The following DST variants were observed in gnomAD, a reference collection of about 807,000 sequenced individuals.
The protein encoded by DST is dystonin, also known as bullous pemphigoid antigen.
A neutral mutation model predicts 875.2 loss-of-function variants in DST; 253 were observed. The ratio of observed to expected loss-of-function variants is 0.29; its 90% CI spans 0.26 to 0.32. The LOEUF is 0.32. DST is among the 10% of genes least tolerant of loss of function. The probability of loss-of-function intolerance (pLI) is 1.00; values close to 1 mark genes in which losing one functional copy is unlikely to be tolerated. For synonymous variants in DST, 3,124 were observed against 3,197.1 expected (o/e 0.98, Z 0.77); for missense variants, 8,287 against 9,111.6 (o/e 0.91, Z 3.68).
Position 56,552,817 on chromosome 6 carries a change from C to T in DST, c.15975G>A (p.Leu5325=). ...LQTQQKSLQA[L]KHQVDLAKRL... ...TTTTAGCCAAATCTACCTGATGCTT[C>T]AAGGCCTGAAGTGATTTCTGCTGAG... Residue 5325 remains leucine (L), a synonymous_variant, in exon 61 of 104, where the codon TTG becomes TTA. Coordinates refer to ENST00000680361, the MANE Select transcript of DST (RefSeq NM_001374736.1). 6.2e-7 allele frequency: 1 copy of T among 1,612,256 alleles called. No individual in the cohort carries two copies. The highest frequency in any genetic ancestry group is 1.1e-5 in the South Asian group (1 of 91,082).
chr6:56,847,154 TA>T (rs988494521), intron 4 of DST, among the ~76,000 whole-genome samples: 1 of 151,240 alleles, frequency 6.6e-6, no homozygotes, highest in Non-Finnish European at 1.5e-5. Context: ...CCCATCTCTA[TA>T]AAAAAAAATT....
At chr6:56,654,239 C>T (rs1256344177) in intron 10 of DST, among the ~76,000 whole-genome samples, 1 of 151,996 alleles carries the variant, frequency 6.6e-6, no homozygotes, top group Non-Finnish European at 1.5e-5. Context: ...GTTAATGTTT[C>T]AAAATGACCC....
chr6:56,870,047 T>C (rs1353456277), intron 3 of DST, among the ~76,000 whole-genome samples: 2 of 152,042 alleles, frequency 1.3e-5, no homozygotes, highest in East Asian at 1.9e-4. Flanking sequence ...TAGAGAAATG[T>C]ACTTTCAAGC....
At chr6:56,871,612 G>T (rs758690102) in intron 3 of DST, 2 of 769,342 alleles carry the variant, frequency 2.6e-6, no homozygotes, top group Non-Finnish European at 4.7e-6. Context: ...CCATACATGA[G>T]CTCTCTCTGC....
intron 36 of DST, chr6:56,620,445 G>C: frequency 6.2e-7 from 1 of 1,614,114 alleles, no homozygotes; most frequent in Non-Finnish European, 8.5e-7. Context: ...AGTTCCCTGC[G>C]GTACTGCTTG....
At chr6:56,740,681 G>A (rs184623291) in intron 4 of DST, among the ~76,000 whole-genome samples, 38 of 152,236 alleles carry the variant, frequency 2.5e-4, no homozygotes, top group African/African-American at 9.1e-4. Flanking sequence ...CAGGGAGCTG[G>A]GGAATCTGGC....
intron 10 of DST, among the ~76,000 whole-genome samples, chr6:56,654,926 C>T (rs767153343): frequency 4.0e-5 from 6 of 151,842 alleles, no homozygotes; most frequent in East Asian, 1.9e-4. Flanking sequence ...TTTTGGAGGC[C>T]GAGATGGGAG....
At position 56,714,201 on chromosome 6, in the gene DST, T is replaced by C. The variant is rs749341015; in HGVS notation, c.688-9832A>G. 8.5e-5 allele frequency among the ~76,000 whole-genome samples: 13 copies of C among 152,216 alleles called. No individual in the cohort carries two copies. The highest frequency in any genetic ancestry group is 1.5e-4 in the Non-Finnish European group (10 of 68,038). On this transcript the variant is annotated intron_variant, in intron 5 of 103. Transcript: ENST00000680361. The surrounding 1 kb of genome is among the most constrained non-coding windows in gnomAD (Gnocchi z 4.5). ...CCACCCAAAATCATATCTGGGGAAC[T>C]GATATGTTTGGAATGGAATTATAAA... is the stretch of plus-strand genomic sequence containing the variant.
chr6:56,833,525 A>C (rs776578679), intron 4 of DST, among the ~76,000 whole-genome samples: 10 of 152,074 alleles, frequency 6.6e-5, no homozygotes, highest in Non-Finnish European at 1.2e-4. Flanking sequence ...TGTATGCTTA[A>C]AATAGAACAG....
intron 75 of DST, among the ~76,000 whole-genome samples, chr6:56,508,301 T>C (rs2096389217): frequency 6.6e-6 from 1 of 152,182 alleles, no homozygotes; most frequent in African/African-American, 2.4e-5. Context: ...CCCAAAGTTC[T>C]GGGAATACAG....
At chr6:56,483,557 T>TTTC (rs2095470456) in intron 88 of DST, 1 of 116,186 alleles carries the variant, frequency 8.6e-6, no homozygotes, top group Non-Finnish European at 1.8e-5. Flanking sequence ...TTTTTTTTTT[T>TTTC]CCTGCCTAAT....
At chr6:56,473,788 T>C in intron 93 of DST, 85 bp downstream of exon 93, 1 of 1,359,128 alleles carries the variant, frequency 7.4e-7, no homozygotes, top group Non-Finnish European at 1.0e-6. Context: ...AATCACCAAT[T>C]GCCCCCAAAT....
Position 56,606,788 on chromosome 6 carries a change from C to A in DST, c.7840G>T (p.Asp2614Tyr), listed in dbSNP as rs748181953. 6.2e-7 allele frequency: 1 copy of A among 1,613,150 alleles called. No individual in the cohort carries two copies. The change falls in exon 40 of 104, where the codon GAT (aspartate) becomes TAT (tyrosine). Residue 2614 changes from aspartate (D) to tyrosine (Y), a missense_variant. Coordinates refer to ENST00000680361, the MANE Select transcript of DST (RefSeq NM_001374736.1). Reference sequence around the variant, plus strand: ...TCATCATCTTCAAACAAGGGAGTATCATAAAAATCATCATCACTATCAGTG... The same window carrying A: ...TCATCATCTTCAAACAAGGGAGTATAATAAAAATCATCATCACTATCAGTG... ...TDTDSDDDFYDTPLFEDDDHD... is the reference protein window; with the variant it reads ...TDTDSDDDFYYTPLFEDDDHD...
At chr6:56,514,827 AT>A (rs1279397242) in intron 72 of DST, among the ~76,000 whole-genome samples, 3 of 152,186 alleles carry the variant, frequency 2.0e-5, no homozygotes, top group African/African-American at 7.2e-5. Flanking sequence ...TTTATGTGCC[AT>A]TTCATACATG....
chr6:56,732,143 C>T (rs2099501506), intron 5 of DST, among the ~76,000 whole-genome samples: 1 of 152,112 alleles, frequency 6.6e-6, no homozygotes, highest in South Asian at 2.1e-4. Context: ...CACTAATCAG[C>T]CAGATGAAAG....
At chr6:56,688,850 A>G (rs548092365) in intron 9 of DST, among the ~76,000 whole-genome samples, 1 of 152,212 alleles carries the variant, frequency 6.6e-6, no homozygotes, top group Non-Finnish European at 1.5e-5. Flanking sequence ...AATACATAAT[A>G]AATGTTTCAT....
chr6:56,896,612 G>T (rs112154443), intron 3 of DST, among the ~76,000 whole-genome samples: 1 of 152,086 alleles, frequency 6.6e-6, no homozygotes, highest in Non-Finnish European at 1.5e-5. Context: ...CCACATCCAC[G>T]CCAACATCAA....
rs1257849550 is a variant in DST at position 56,616,723 on chromosome 6, C to T, written c.4930-2239G>A. ...GGTCAATGACACCCCCACTGGCAAT[C>T]TGGGCTTCCAAGATATGTTTACCTT... On this transcript the variant is annotated intron_variant, in intron 36 of 103. Coordinates refer to ENST00000680361, the MANE Select transcript of DST (RefSeq NM_001374736.1). 5 of 1,614,088 alleles carry T rather than the reference C, an allele frequency of 3.1e-6. No individual in the cohort carries two copies. Among genetic ancestry groups the T allele is most frequent in the African/African-American group, 1.3e-5 (1 of 74,938 alleles).
chr6:56,703,683 C>T lies in DST; in HGVS notation c.841G>A (p.Glu281Lys). 3.0e-6 allele frequency: 3 copies of T among 985,228 alleles called. No homozygotes were observed. Among genetic ancestry groups the T allele is most frequent in the Non-Finnish European group, 3.6e-6 (3 of 829,846 alleles). 61.0% of individuals were successfully genotyped at this position (985,228 alleles called of 1,614,324 possible). A position where few individuals can be genotyped will look rare whatever the true frequency, so the allele number is the denominator to read the frequency against. Residue 281 changes from glutamate to lysine, a missense_variant, in exon 7 of 104, where the codon GAA becomes AAA. Physicochemically the swap from Glu to Lys is moderately conservative, Grantham distance 56. Coordinates refer to ENST00000680361, the MANE Select transcript of DST (RefSeq NM_001374736.1). ...LVSATEACEY[E>K]QHEDVEDEDK... ...TCATCCTCCACATCCTCATGCTGTT[C>T]ATATTCGCATGCTTCTGTTGCACTC...
Sources: allele counts gnomAD v4.1 joint callset (sites outside exome capture counted in the v4.1 genomes callset), GRCh38; gene constraint gnomAD v4.1.1; non-coding constraint Gnocchi (gnomAD v3.1); transcripts MANE v1.5; gene names NCBI Gene and HGNC (gene_info 2026-07-23, HGNC 2026-07-21).